Variants in CSMD1 observed in about 807,000 individuals in gnomAD.
The protein encoded by CSMD1 is CUB and Sushi multiple domains 1.
Under a neutral mutation model 417.5 loss-of-function variants are expected in CSMD1, and 213 were observed. The observed-to-expected ratio is 0.51, with a 90% CI of 0.46 to 0.57. The LOEUF is 0.57. CSMD1 is among the 20% of genes least tolerant of loss of function. The pLI, the probability that CSMD1 is intolerant of heterozygous loss-of-function variation, is 0.00. For synonymous variants in CSMD1, 2,862 were observed against 1,736.8 expected, an observed-to-expected ratio of 1.65 and a Z score of -16.11; for missense variants, 6,923 against 4,529.7, an observed-to-expected ratio of 1.53 and a Z score of -15.17.
At chr8:4,334,001 C>T (rs1271224938) in intron 3 of CSMD1, among the ~76,000 whole-genome samples, 1 of 152,116 alleles carries the variant, frequency 6.6e-6, no homozygotes, top group Non-Finnish European at 1.5e-5. Flanking sequence ...AGCCATCCTC[C>T]CGCCTCAGAC....
At chr8:3,584,210 G>T (rs750303265) in intron 9 of CSMD1, among the ~76,000 whole-genome samples, 1 of 152,136 alleles carries the variant, frequency 6.6e-6, no homozygotes, top group African/African-American at 2.4e-5. Context: ...AGCAGAACGA[G>T]GGAATCATCA....
intron 5 of CSMD1, among the ~76,000 whole-genome samples, chr8:3,936,645 T>C (rs530620796): frequency 6.6e-6 from 1 of 152,144 alleles, no homozygotes; most frequent in Non-Finnish European, 1.5e-5. Context: ...AAAGATTCCT[T>C]TCTAAATATT....
intron 3 of CSMD1, among the ~76,000 whole-genome samples, chr8:4,171,009 G>C (rs571822609): frequency 6.6e-6 from 1 of 151,996 alleles, no homozygotes; most frequent in African/African-American, 2.4e-5. Context: ...TTCAGCATGG[G>C]ATAATGGCCT....
Position 3,288,095 on chromosome 8 carries a change from T to C in CSMD1, c.3951-3749A>G, listed in dbSNP as rs1002227549. On this transcript the variant is annotated intron_variant, in intron 25 of 69. Transcript: ENST00000635120. ...TTTGTCTTTGGTTCTGTTTATATGC[T>C]GGATTACATTTATCGATTTTCATTT... 8.1e-5 allele frequency among the ~76,000 whole-genome samples: 12 copies of C among 147,686 alleles called. 2 individuals are homozygous for C. Among genetic ancestry groups the C allele is most frequent in the African/African-American group, 3.2e-4 (12 of 37,368 alleles).
intron 64 of CSMD1, among the ~76,000 whole-genome samples, 189 bp downstream of exon 64, chr8:2,955,400 C>T (rs1364041326): frequency 6.6e-6 from 1 of 152,162 alleles, no homozygotes; most frequent in Admixed American, 6.5e-5. Flanking sequence ...GCCACCATTG[C>T]ATCAAACACT....
chr8:3,705,657 G>C (rs1801126891), intron 7 of CSMD1, among the ~76,000 whole-genome samples: 1 of 152,242 alleles, frequency 6.6e-6, no homozygotes. Flanking sequence ...CCCTGAGCTA[G>C]ACATTTTCCA....
At chr8:4,426,744 ATAG>A (rs1413751916) in intron 2 of CSMD1, among the ~76,000 whole-genome samples, 1 of 147,790 alleles carries the variant, frequency 6.8e-6, no homozygotes, top group Non-Finnish European at 1.5e-5. Context: ...ATTATACAAT[ATAG>A]TAATATAGTA....
chr8:3,989,518 G>T (rs2554563), intron 5 of CSMD1, among the ~76,000 whole-genome samples: 1 of 151,996 alleles, frequency 6.6e-6, no homozygotes, highest in Non-Finnish European at 1.5e-5. Context: ...TACTCCACAG[G>T]GTAGGATAAA....
At position 4,151,865 on chromosome 8, in the gene CSMD1, T is replaced by C. The variant is rs538278123; in HGVS notation, c.416-119766A>G. ...CAATTATATTTCCATGTACCTTTTC[T>C]ATTGCAGGCACACATTAAATATTAG... is the stretch of plus-strand genomic sequence containing the variant. On this transcript the variant is annotated intron_variant, in intron 3 of 69. Transcript: ENST00000635120. Among the ~76,000 whole-genome samples the C allele has an allele frequency of 1.3e-5, 2 of 152,308 alleles. 1 individual carries two copies. Among genetic ancestry groups the C allele is most frequent in the South Asian group, 4.1e-4 (2 of 4,828 alleles).
At chr8:4,411,915 G>C (rs1796668770) in intron 3 of CSMD1, among the ~76,000 whole-genome samples, 1 of 151,676 alleles carries the variant, frequency 6.6e-6, no homozygotes, top group South Asian at 2.1e-4. Context: ...ATACACATAG[G>C]ACTAAAAGGA....
At chr8:3,087,056 T>C (rs762932087) in intron 49 of CSMD1, 41 bp downstream of exon 49, 5 of 1,540,804 alleles carry the variant, frequency 3.2e-6, no homozygotes, top group East Asian at 4.5e-5. Flanking sequence ...ATGAGAGCAA[T>C]ACACAGGAAA....
chr8:4,821,070 G>A lies in CSMD1; in HGVS notation c.85+173262C>T, dbSNP rs191543931. Among the ~76,000 whole-genome samples the A allele has an allele frequency of 1.4e-3, 212 of 152,224 alleles. 2 individuals carry two copies. Among genetic ancestry groups the A allele is most frequent in the Non-Finnish European group, 9.6e-4 (65 of 68,006 alleles). On this transcript the variant is annotated intron_variant, in intron 1 of 69. Coordinates refer to ENST00000635120, the MANE Select transcript of CSMD1 (RefSeq NM_033225.6). ...AGAAGAACAATGTGGAGGGGAAAGA[G>A]ATCTTCCTTAAGTGTAAAAAGATAC...
At chr8:4,925,423 T>G (rs1283638727) in intron 1 of CSMD1, among the ~76,000 whole-genome samples, 1 of 151,988 alleles carries the variant, frequency 6.6e-6, no homozygotes, top group Non-Finnish European at 1.5e-5. Flanking sequence ...AATATACCTT[T>G]CCTACAGAAC....
At chr8:2,974,292 A>G (rs935295946) in intron 56 of CSMD1, among the ~76,000 whole-genome samples, 159 bp downstream of exon 56, 1 of 152,266 alleles carries the variant, frequency 6.6e-6, no homozygotes, top group East Asian at 1.9e-4. Flanking sequence ...GACAATATCT[A>G]TAAGAGCGGC....
intron 3 of CSMD1, among the ~76,000 whole-genome samples, chr8:4,086,254 G>C (rs1320702598): frequency 6.6e-6 from 1 of 151,916 alleles, no homozygotes; most frequent in Non-Finnish European, 1.5e-5. Context: ...AGACAAATAA[G>C]GAAGACCTCC....
At chr8:4,810,117 T>A (rs1798811310) in intron 1 of CSMD1, among the ~76,000 whole-genome samples, 1 of 152,214 alleles carries the variant, frequency 6.6e-6, no homozygotes, top group African/African-American at 2.4e-5. Flanking sequence ...ACACAAAACC[T>A]TAGTTAAGGA....
chr8:3,762,960 T>G (rs1256030833), intron 5 of CSMD1, among the ~76,000 whole-genome samples: 3 of 152,110 alleles, frequency 2.0e-5, no homozygotes, highest in Non-Finnish European at 4.4e-5. Context: ...ATCCCCCAAC[T>G]CTCTTCAGAT....
chr8:3,517,026 G>C (rs1444752933), intron 10 of CSMD1, among the ~76,000 whole-genome samples: 5 of 152,150 alleles, frequency 3.3e-5, no homozygotes, highest in Non-Finnish European at 7.3e-5. Context: ...GTGAGCAAAG[G>C]AGCTGGTGTG....
intron 2 of CSMD1, among the ~76,000 whole-genome samples, chr8:4,437,194 ACAAAT>A (rs1176442402): frequency 3.3e-5 from 5 of 152,240 alleles, no homozygotes; most frequent in Non-Finnish European, 7.3e-5. Flanking sequence ...TGTTGTCTCA[ACAAAT>A]CAAATCAATG....
Sources: gnomAD v4.1 joint callset for allele counts (sites outside exome capture counted in the v4.1 genomes callset) on GRCh38, gnomAD v4.1.1 for gene constraint, MANE v1.5 for transcripts, NCBI Gene and HGNC (gene_info 2026-07-23, HGNC 2026-07-21) for gene names.